The following IGF1R variants were observed in gnomAD, a reference collection of about 807,000 sequenced individuals.
IGF1R encodes insulin like growth factor 1 receptor, also known as insulin-like growth factor 1 receptor.
A neutral mutation model predicts 144.6 loss-of-function variants in IGF1R; 44 were observed. The observed-to-expected ratio is 0.30, with a 90% CI of 0.24 to 0.39. The LOEUF is 0.39. Among genes scored for constraint, IGF1R ranks in the 10% least tolerant of loss-of-function variants. IGF1R has a pLI of 1.00. For missense variants in IGF1R, 1,355 were observed against 1,833.7 expected (o/e 0.74, Z 4.77); for synonymous variants, 795 against 722.8 (o/e 1.10, Z -1.60).
At chr15:98,741,804 A>T (rs1205346383) in intron 2 of IGF1R, among the ~76,000 whole-genome samples, 1 of 152,222 alleles carries the variant, frequency 6.6e-6, no homozygotes. Flanking sequence ...ATTTAAAGGC[A>T]TGTCTCTGTT....
chr15:98,858,161 C>T (rs1429786989), intron 2 of IGF1R, among the ~76,000 whole-genome samples: 1 of 152,188 alleles, frequency 6.6e-6, no homozygotes, highest in East Asian at 1.9e-4. Flanking sequence ...TATTCAAAAG[C>T]TTTTGTGGCT....
intron 2 of IGF1R, among the ~76,000 whole-genome samples, chr15:98,811,378 AAATT>A (rs1038297400): frequency 6.0e-5 from 9 of 149,260 alleles, no homozygotes; most frequent in African/African-American, 2.0e-4. Flanking sequence ...AAAAAAAAAA[AAATT>A]AGCCAGGCGT....
intron 2 of IGF1R, among the ~76,000 whole-genome samples, chr15:98,799,223 G>A (rs1237629735): frequency 3.3e-5 from 5 of 151,942 alleles, no homozygotes; most frequent in Admixed American, 2.0e-4. Flanking sequence ...TCCCCCTTTC[G>A]TGAGCCCCTC....
chr15:98,901,091 G>T (rs1157908783), intron 5 of IGF1R, among the ~76,000 whole-genome samples: 1 of 152,170 alleles, frequency 6.6e-6, no homozygotes, highest in Non-Finnish European at 1.5e-5. Flanking sequence ...TTATTTGCAA[G>T]AATATTTATG....
Position 98,781,109 on chromosome 15 carries a change from G to A in IGF1R, c.640+73002G>A, listed in dbSNP as rs774766698. Among the ~76,000 whole-genome samples, 6 of 152,262 alleles carry A rather than the reference G, an allele frequency of 3.9e-5. No individual in the cohort carries two copies. The East Asian group carries it at 5.8e-4, about 15-fold the overall frequency. On this transcript the variant is annotated intron_variant, in intron 2 of 20. Coordinates refer to ENST00000650285, the MANE Select transcript of IGF1R (RefSeq NM_000875.5). The stretch of plus-strand genomic sequence containing the variant: ...TGTACTCCAGCCTGGATGACAGAGC[G>A]AGACCCTGTTTCAAAATAAAGAAAA...
chr15:98,812,670 G>A (rs972923303), intron 2 of IGF1R, among the ~76,000 whole-genome samples: 2 of 152,114 alleles, frequency 1.3e-5, no homozygotes, highest in African/African-American at 4.8e-5. Flanking sequence ...AAAAGCTTTT[G>A]AAAACTTCGT....
chr15:98,876,640 A>G (rs1436437760), intron 2 of IGF1R, among the ~76,000 whole-genome samples: 1 of 152,252 alleles, frequency 6.6e-6, no homozygotes, highest in African/African-American at 2.4e-5. Flanking sequence ...TTGCGAGAAC[A>G]TTCCAAAGAT....
intron 2 of IGF1R, among the ~76,000 whole-genome samples, chr15:98,730,443 G>A (rs887867731): frequency 8.5e-5 from 13 of 152,138 alleles, no homozygotes; most frequent in African/African-American, 3.1e-4. Flanking sequence ...CTACCAATGG[G>A]TAGCAGCTAG....
chr15:98,911,896 C>G (rs1044188199), intron 7 of IGF1R, among the ~76,000 whole-genome samples: 1 of 152,178 alleles, frequency 6.6e-6, no homozygotes, highest in Non-Finnish European at 1.5e-5. Context: ...GTGTGCCTCT[C>G]CCAAGCTGTG....
At chr15:98,794,196 C>A (rs1484333696) in intron 2 of IGF1R, among the ~76,000 whole-genome samples, 1 of 152,174 alleles carries the variant, frequency 6.6e-6, no homozygotes, top group Non-Finnish European at 1.5e-5. Context: ...TATTTAGAAA[C>A]GCCAGTCTAG....
At chr15:98,852,713 C>T (rs983566872) in intron 2 of IGF1R, among the ~76,000 whole-genome samples, 3 of 152,208 alleles carry the variant, frequency 2.0e-5, no homozygotes, top group Non-Finnish European at 2.9e-5. Flanking sequence ...GAATCCCTCC[C>T]TCCGCCTCCC....
chr15:98,858,672 G>T (rs984675246), intron 2 of IGF1R, among the ~76,000 whole-genome samples: 1 of 152,194 alleles, frequency 6.6e-6, no homozygotes, highest in African/African-American at 2.4e-5. Context: ...AATAAACGTG[G>T]ACGAGGTCTC....
At position 98,704,481 on chromosome 15, in the gene IGF1R, C is replaced by T. The variant is rs977987357; in HGVS notation, c.95-3081C>T. Among the ~76,000 whole-genome samples the T allele has an allele frequency of 3.3e-5, 5 of 151,962 alleles. No homozygotes were observed. Among genetic ancestry groups the T allele is most frequent in the African/African-American group, 9.7e-5 (4 of 41,332 alleles). On this transcript the variant is annotated intron_variant, in intron 1 of 20. Coordinates refer to ENST00000650285, the MANE Select transcript of IGF1R (RefSeq NM_000875.5). This position sits in a 1 kb window ranked among gnomAD's most constrained non-coding sequence, Gnocchi z 4.9. ...TTGTCAGATGGTGTTGGGACAGGGACGGACCGTGAGGAGGCTGGATCATGG... is the reference window on the plus strand; with the variant it reads ...TTGTCAGATGGTGTTGGGACAGGGATGGACCGTGAGGAGGCTGGATCATGG...
intron 4 of IGF1R, 85 bp downstream of exon 4, chr15:98,896,990 C>T: frequency 7.6e-7 from 1 of 1,319,726 alleles, no homozygotes; most frequent in Admixed American, 1.7e-5. Flanking sequence ...CCCTGAGTCA[C>T]CACTAAAATA....
At chr15:98,840,665 GTTT>G (rs1168783221) in intron 2 of IGF1R, among the ~76,000 whole-genome samples, 2 of 142,962 alleles carry the variant, frequency 1.4e-5, no homozygotes, top group Non-Finnish European at 3.0e-5. Context: ...CGGGGTTTTT[GTTT>G]TTTGTTTTGT....
At chr15:98,705,616 C>A (rs1160021598) in intron 1 of IGF1R, among the ~76,000 whole-genome samples, 1 of 152,128 alleles carries the variant, frequency 6.6e-6, no homozygotes, top group African/African-American at 2.4e-5. Flanking sequence ...CAAGCTTTGC[C>A]CACTCCTCAG....
At chr15:98,724,090 AT>A (rs1344026230) in intron 2 of IGF1R, among the ~76,000 whole-genome samples, 3 of 152,178 alleles carry the variant, frequency 2.0e-5, no homozygotes, top group African/African-American at 4.8e-5. Flanking sequence ...CTAGGACTTT[AT>A]TTTGTTATCC....
intron 2 of IGF1R, among the ~76,000 whole-genome samples, chr15:98,795,310 TTTTGGTC>T (rs2056214419): frequency 6.6e-6 from 1 of 152,258 alleles, no homozygotes; most frequent in South Asian, 2.1e-4. Flanking sequence ...TCATGTATTT[TTTTGGTC>T]TTAACACATT....
chr15:98,769,733 A>T (rs1420372135), intron 2 of IGF1R, among the ~76,000 whole-genome samples: 1 of 152,220 alleles, frequency 6.6e-6, no homozygotes, highest in Non-Finnish European at 1.5e-5. Flanking sequence ...CATTGTTGAC[A>T]TGGTTATTTT....
Sources: allele counts gnomAD v4.1 joint callset (sites outside exome capture counted in the v4.1 genomes callset), GRCh38; gene constraint gnomAD v4.1.1; non-coding constraint Gnocchi (gnomAD v3.1); transcripts MANE v1.5; gene names NCBI Gene and HGNC (gene_info 2026-07-23, HGNC 2026-07-21).